NDFIP1: variants seen among roughly 807,000 people sequenced by gnomAD.
The protein encoded by NDFIP1 is Nedd4 family interacting protein 1.
In NDFIP1, 7 loss-of-function variants were observed where a neutral mutation model predicts 28.8. The observed-to-expected ratio is 0.24, with a 90% confidence interval of 0.14 to 0.46. NDFIP1 has a LOEUF of 0.46. Among genes scored for constraint, NDFIP1 ranks in the 20% least tolerant of loss-of-function variants. The pLI is 0.99. For missense variants in NDFIP1, 194 were observed against 269.1 expected, an observed-to-expected ratio of 0.72 and a Z score of 1.95; for synonymous variants, 92 against 101.0, an observed-to-expected ratio of 0.91 and a Z score of 0.53.
At chr5:142,138,646 A>G (rs1757297755) in intron 5 of NDFIP1, among the ~76,000 whole-genome samples, 1 of 152,162 alleles carries the variant, frequency 6.6e-6, no homozygotes, top group Non-Finnish European at 1.5e-5. Flanking sequence ...GGGTTCCAGA[A>G]TCCTTTGGGA....
At chr5:142,134,477 T>C (rs1757255261) in intron 3 of NDFIP1, among the ~76,000 whole-genome samples, 1 of 152,192 alleles carries the variant, frequency 6.6e-6, no homozygotes, top group Admixed American at 6.5e-5. Context: ...TTTCAAACAA[T>C]AGAGGAAGTA....
intron 5 of NDFIP1, 134 bp downstream of exon 5, chr5:142,137,992 C>G (rs1436422632): frequency 8.6e-7 from 1 of 1,165,570 alleles, no homozygotes; most frequent in African/African-American, 1.6e-5. Context: ...TCTGTGGTTT[C>G]ATGATGAAGC....
At position 142,126,941 on chromosome 5, in the gene NDFIP1, T is replaced by C. The variant is rs181453123; in HGVS notation, c.64-4867T>C. On this transcript the variant is annotated intron_variant, in intron 1 of 7. Transcript: ENST00000253814. ...TGGAGATTCATAAAAATGTCATATTTATTTTTAATAACAATAGGACCTAGA... is the reference window on the plus strand; with the variant it reads ...TGGAGATTCATAAAAATGTCATATTCATTTTTAATAACAATAGGACCTAGA... Among the ~76,000 whole-genome samples the C allele has an allele frequency of 8.2e-3, 1,250 of 152,264 alleles. 19 individuals are homozygous for C. Among genetic ancestry groups the C allele is most frequent in the African/African-American group, 0.029 (1,199 of 41,524 alleles).
intron 3 of NDFIP1, chr5:142,134,031 T>C (rs1295100369): frequency 1.3e-5 from 2 of 152,222 alleles, no homozygotes; most frequent in Non-Finnish European, 2.9e-5. Flanking sequence ...TCTGTGGATG[T>C]AGTAATTGGC....
intron 1 of NDFIP1, 94 bp downstream of exon 1, chr5:142,109,131 C>A: frequency 8.8e-7 from 1 of 1,132,818 alleles, no homozygotes; most frequent in South Asian, 3.5e-5. Context: ...CCGCGGCCAA[C>A]TCGACGCCGG....
intron 5 of NDFIP1, 120 bp downstream of exon 5, chr5:142,137,978 T>A: frequency 7.6e-7 from 1 of 1,321,668 alleles, no homozygotes. Flanking sequence ...TGATTTTTGG[T>A]TTGTCTGTGG....
chr5:142,112,495 C>T (rs1181968659), intron 1 of NDFIP1, among the ~76,000 whole-genome samples: 5 of 147,316 alleles, frequency 3.4e-5, no homozygotes, highest in African/African-American at 1.0e-4. Flanking sequence ...GCTGGGATCG[C>T]GCCACTGTAC....
chr5:142,140,448 CAAAA>C (rs71576132), intron 5 of NDFIP1, 111 bp from the exon 6 acceptor site: 1,410 of 515,238 alleles, frequency 2.7e-3, no homozygotes, highest in South Asian at 4.4e-3. Context: ...AACTCCGTCT[CAAAA>C]AAAAAAAAAA....
chr5:142,122,275 A>G (rs527354928), intron 1 of NDFIP1, among the ~76,000 whole-genome samples: 3 of 152,336 alleles, frequency 2.0e-5, no homozygotes, highest in South Asian at 4.1e-4. Context: ...CTAATCATAC[A>G]GTAAATACTG....
chr5:142,132,226 A>C lies in NDFIP1; in HGVS notation c.166A>C (p.Lys56Gln). The change falls in exon 3 of 8, where the codon AAG (lysine) becomes CAG (glutamine). Residue 56 changes from lysine (K) to glutamine (Q), a missense_variant. Transcript: ENST00000253814. The stretch of plus-strand genomic sequence containing the variant: ...AAATTCTGCAGCATATTTTGACTAC[A>C]AGGATGAGTCTGGGTTTCCAAAGCC... The part of the protein sequence containing the change: ...SAESAAYFDY[K>Q]DESGFPKPPS... 6.2e-7 allele frequency: 1 copy of C among 1,610,956 alleles called. No individual in the cohort carries two copies. The highest frequency in any genetic ancestry group is 8.5e-7 in the Non-Finnish European group (1 of 1,179,346).
intron 1 of NDFIP1, among the ~76,000 whole-genome samples, chr5:142,120,143 A>G (rs1460217076): frequency 1.3e-5 from 2 of 152,060 alleles, no homozygotes; most frequent in Non-Finnish European, 2.9e-5. Context: ...TTTAGTAGAG[A>G]CGGGGTTTCA....
In NDFIP1 at chr5:142,130,897, A is replaced by G. The variant is rs1369553358; in HGVS notation, c.64-911A>G. On this transcript the variant is annotated intron_variant, in intron 1 of 7. Coordinates refer to ENST00000253814, the MANE Select transcript of NDFIP1 (RefSeq NM_030571.4). The stretch of plus-strand genomic sequence containing the variant: ...ATTATATGATGCCTATTGTTTGGCA[A>G]GTTTAGCTTTTTTCATGTAATAATA... Among the ~76,000 whole-genome samples, 3 of 152,258 alleles carry G rather than the reference A, an allele frequency of 2.0e-5. No homozygotes were observed. The East Asian group carries it at 5.8e-4, about 29-fold the overall frequency.
At position 142,153,098 on chromosome 5, in the gene NDFIP1, GC is replaced by G; in HGVS notation, c.*1371del. The stretch of plus-strand genomic sequence containing the variant: ...AGATAATTTATTTCCAGTGTTTTCT[GC>G]ATGTTCTCATTTGTTCTTTTTCTCA... On this transcript the variant is annotated 3_prime_UTR_variant, in exon 8 of 8. Transcript: ENST00000253814. The G allele has an allele frequency of 5.8e-6, 2 of 343,810 alleles. No homozygotes were observed. The highest frequency in any genetic ancestry group is 4.6e-5 in the South Asian group (2 of 43,438). The allele number at this position is 343,810 out of a possible 1,614,324, so 21.3% of individuals were successfully genotyped here.
At chr5:142,117,375 C>T (rs1039018731) in intron 1 of NDFIP1, among the ~76,000 whole-genome samples, 1 of 151,626 alleles carries the variant, frequency 6.6e-6, no homozygotes, top group East Asian at 2.0e-4. Flanking sequence ...TCCTGAGTAG[C>T]TGGGACTACA....
intron 6 of NDFIP1, among the ~76,000 whole-genome samples, chr5:142,141,168 CTTTTTT>C (rs1161113130): frequency 6.5e-4 from 39 of 59,954 alleles, no homozygotes; most frequent in African/African-American, 1.4e-3. Flanking sequence ...GGCAAGAGGA[CTTTTTT>C]TTTTTTTTTT....
At chr5:142,128,524 A>T (rs1757193383) in intron 1 of NDFIP1, among the ~76,000 whole-genome samples, 1 of 152,168 alleles carries the variant, frequency 6.6e-6, no homozygotes, top group African/African-American at 2.4e-5. Flanking sequence ...TCAGCAAGTT[A>T]TTATGCATGC....
chr5:142,125,641 G>T (rs1220433848), intron 1 of NDFIP1, among the ~76,000 whole-genome samples: 1 of 152,220 alleles, frequency 6.6e-6, no homozygotes, highest in Non-Finnish European at 1.5e-5. Flanking sequence ...ATTGCAGGCT[G>T]AGCCACTGTG....
Position 142,153,080 on chromosome 5 carries a change from T to G in NDFIP1, c.*1352T>G. ...ATTTTTAGACATAATTTTAGATAAT[T>G]TATTTCCAGTGTTTTCTGCATGTTC... On this transcript the variant is annotated 3_prime_UTR_variant, in exon 8 of 8. Coordinates refer to ENST00000253814, the MANE Select transcript of NDFIP1 (RefSeq NM_030571.4). 2.9e-6 allele frequency: 1 copy of G among 339,052 alleles called. No homozygotes were observed. The highest frequency in any genetic ancestry group is 5.8e-6 in the Non-Finnish European group (1 of 172,168). 21.0% of individuals were successfully genotyped at this position (339,052 alleles called of 1,614,324 possible). A position where few individuals can be genotyped will look rare whatever the true frequency, so the allele number is the denominator to read the frequency against.
chr5:142,126,806 T>G (rs1250963729), intron 1 of NDFIP1, among the ~76,000 whole-genome samples: 1 of 152,164 alleles, frequency 6.6e-6, no homozygotes, highest in African/African-American at 2.4e-5. Context: ...GAAGCTTTCT[T>G]GCTGATTGGG....
Sources: allele counts gnomAD v4.1 joint callset (sites outside exome capture counted in the v4.1 genomes callset), GRCh38; gene constraint gnomAD v4.1.1; transcripts MANE v1.5; gene names NCBI Gene and HGNC (gene_info 2026-07-23, HGNC 2026-07-21).